The following GSG1L variants were observed in gnomAD, a reference collection of about 807,000 sequenced individuals.
GSG1L encodes germ cell-specific gene 1-like protein.
In GSG1L, 24 loss-of-function variants were observed where a neutral mutation model predicts 42.1. That is an observed-to-expected ratio of 0.57 (90% CI 0.41 to 0.80). The LOEUF is 0.80. Among genes scored for constraint, GSG1L ranks in the 30% least tolerant of loss-of-function variants. The pLI, the probability that GSG1L is intolerant of heterozygous loss-of-function variation, is 0.00. For synonymous variants in GSG1L, 215 were observed against 203.5 expected (o/e 1.06, Z -0.48); for missense variants, 445 against 472.2 (o/e 0.94, Z 0.53).
chr16:27,835,746 A>T (rs1368849525), intron 4 of GSG1L, among the ~76,000 whole-genome samples: 1 of 152,116 alleles, frequency 6.6e-6, no homozygotes, highest in Non-Finnish European at 1.5e-5. Flanking sequence ...TGGTGTCAAC[A>T]TTTGAGTAAA....
At chr16:28,012,643 T>C (rs2085734425) in intron 1 of GSG1L, among the ~76,000 whole-genome samples, 1 of 152,016 alleles carries the variant, frequency 6.6e-6, no homozygotes. Context: ...CCCAGTGCTT[T>C]GGGAAGCCAA....
chr16:27,996,162 T>C (rs551376591), intron 1 of GSG1L, among the ~76,000 whole-genome samples: 1 of 152,250 alleles, frequency 6.6e-6, no homozygotes, highest in African/African-American at 2.4e-5. Context: ...TGCCTCAGCC[T>C]CTCCTCTGGA....
intron 1 of GSG1L, among the ~76,000 whole-genome samples, chr16:27,991,261 A>G (rs1257339488): frequency 6.6e-6 from 1 of 152,204 alleles, no homozygotes; most frequent in Admixed American, 6.5e-5. Context: ...TCTCTAAAGG[A>G]GAACTGGGTT....
intron 2 of GSG1L, among the ~76,000 whole-genome samples, chr16:27,958,423 A>AG (rs997543371): frequency 2.0e-5 from 3 of 151,166 alleles, no homozygotes; most frequent in African/African-American, 7.3e-5. Context: ...AAAAAAAAAA[A>AG]AAAAGAAAAG....
At chr16:27,967,048 G>A (rs1240167681) in intron 1 of GSG1L, among the ~76,000 whole-genome samples, 1 of 152,218 alleles carries the variant, frequency 6.6e-6, no homozygotes, top group African/African-American at 2.4e-5. Context: ...ACTCTAGGGT[G>A]AGTTTGCAAC....
At chr16:27,819,607 GT>G (rs1351554971) in intron 5 of GSG1L, among the ~76,000 whole-genome samples, 1 of 152,222 alleles carries the variant, frequency 6.6e-6, no homozygotes, top group African/African-American at 2.4e-5. Flanking sequence ...AGAGAGAAGA[GT>G]GGGTCAGAGC....
chr16:27,974,090 G>C (rs2085225497), intron 1 of GSG1L, among the ~76,000 whole-genome samples: 1 of 152,110 alleles, frequency 6.6e-6, no homozygotes. Flanking sequence ...CCCTAGGAAG[G>C]AGACTCCTTA....
At chr16:27,817,105 T>C in intron 5 of GSG1L, among the ~76,000 whole-genome samples, 1 of 151,948 alleles carries the variant, frequency 6.6e-6, no homozygotes, top group East Asian at 1.9e-4. Context: ...TGAGGGAGGG[T>C]TTCAGGGAGG....
intron 1 of GSG1L, among the ~76,000 whole-genome samples, chr16:28,058,125 C>T (rs1406996821): frequency 2.0e-5 from 3 of 152,194 alleles, no homozygotes; most frequent in Non-Finnish European, 4.4e-5. Flanking sequence ...CCTGAGTGAG[C>T]TGGGCTGGGG....
At chr16:27,840,143 C>G (rs2083364727) in intron 4 of GSG1L, among the ~76,000 whole-genome samples, 1 of 151,722 alleles carries the variant, frequency 6.6e-6, no homozygotes, top group Non-Finnish European at 1.5e-5. Context: ...GTCCCTCTCA[C>G]TTTACCCTCC....
intron 5 of GSG1L, among the ~76,000 whole-genome samples, chr16:27,821,936 GAA>G (rs2083155223): frequency 6.7e-6 from 1 of 148,420 alleles, no homozygotes; most frequent in African/African-American, 2.6e-5. Flanking sequence ...AAATAAATAA[GAA>G]TTTTGAAACC....
chr16:27,861,192 AC>A (rs1377507349), intron 3 of GSG1L, among the ~76,000 whole-genome samples: 1 of 151,980 alleles, frequency 6.6e-6, no homozygotes, highest in African/African-American at 2.4e-5. Context: ...ACATGGTGAA[AC>A]CCCGTCTCTA....
At chr16:27,877,548 C>CCAGCACAGGGCTCCCTTGGT in intron 3 of GSG1L, among the ~76,000 whole-genome samples, 1 of 152,086 alleles carries the variant, frequency 6.6e-6, no homozygotes, top group African/African-American at 2.4e-5. Context: ...GAGAAGGTGA[C>CCAGCACAGGGCTCCCTTGGT]CAAGGGAGCC....
At chr16:27,797,979 AG>A (rs1235837352) in intron 6 of GSG1L, among the ~76,000 whole-genome samples, 1 of 152,174 alleles carries the variant, frequency 6.6e-6, no homozygotes, top group Non-Finnish European at 1.5e-5. Context: ...CTAAACAACA[AG>A]CACATACGGC....
chr16:27,841,624 G>A (rs961016390), intron 4 of GSG1L, among the ~76,000 whole-genome samples: 2 of 152,214 alleles, frequency 1.3e-5, no homozygotes, highest in Non-Finnish European at 2.9e-5. Flanking sequence ...GTGCAGCCCT[G>A]GCGAGGCCCC....
At chr16:27,907,023 C>A (rs1404607383) in intron 2 of GSG1L, among the ~76,000 whole-genome samples, 1 of 152,232 alleles carries the variant, frequency 6.6e-6, no homozygotes, top group Non-Finnish European at 1.5e-5. Context: ...GACAGTCCAG[C>A]TGCTCCCAGC....
At chr16:27,791,519 T>A in intron 6 of GSG1L, 52 bp from the exon 7 acceptor site, 1 of 1,276,402 alleles carries the variant, frequency 7.8e-7, no homozygotes, top group Non-Finnish European at 1.0e-6. Flanking sequence ...TCCACCCACA[T>A]CCTGTCTACC....
intron 2 of GSG1L, among the ~76,000 whole-genome samples, chr16:27,890,614 C>G (rs2084114440): frequency 6.6e-6 from 1 of 152,212 alleles, no homozygotes; most frequent in Admixed American, 6.5e-5. Flanking sequence ...GGAGGCCACA[C>G]TGGTGCCATG....
chr16:27,982,124 C>T (rs4788021), intron 1 of GSG1L, among the ~76,000 whole-genome samples: 103,336 of 152,060 alleles, frequency 0.68, 35,394 homozygotes, highest in South Asian at 0.86. Flanking sequence ...TCCCAGCACG[C>T]TGGGAGGCTG....
Sources: allele counts gnomAD v4.1 joint callset (sites outside exome capture counted in the v4.1 genomes callset), GRCh38; gene constraint gnomAD v4.1.1; transcripts MANE v1.5; gene names NCBI Gene and HGNC (gene_info 2026-07-23, HGNC 2026-07-21).